Variants in MAML3 observed in about 807,000 individuals in gnomAD.
MAML3 encodes mastermind like transcriptional coactivator 3.
Under a neutral mutation model 101.9 loss-of-function variants are expected in MAML3, and 27 were observed. The observed-to-expected ratio is 0.27, with a 90% CI of 0.20 to 0.37. The LOEUF is 0.37. Ranked by LOEUF, MAML3 falls within the 10% of genes least tolerant of loss-of-function variation. The pLI is 1.00. For missense variants in MAML3, 1,316 were observed against 1,444.9 expected (o/e 0.91, Z 1.45); for synonymous variants, 501 against 555.9 (o/e 0.90, Z 1.39).
At chr4:140,091,954 T>C (rs1028493188) in intron 1 of MAML3, among the ~76,000 whole-genome samples, 6 of 151,730 alleles carry the variant, frequency 4.0e-5, no homozygotes, top group African/African-American at 1.5e-4. Flanking sequence ...TTCCTATCTA[T>C]TTATTTCCTA....
chr4:139,950,719 G>T (rs943519910), intron 1 of MAML3, among the ~76,000 whole-genome samples: 3 of 152,214 alleles, frequency 2.0e-5, no homozygotes, highest in African/African-American at 7.2e-5. Context: ...AATAGTTGTG[G>T]TTTGACAAGC....
At chr4:140,090,122 G>A (rs575927339) in intron 1 of MAML3, among the ~76,000 whole-genome samples, 2 of 152,236 alleles carry the variant, frequency 1.3e-5, no homozygotes, top group African/African-American at 2.4e-5. Flanking sequence ...ATTTACTGTC[G>A]CCATTTTAAG....
intron 2 of MAML3, among the ~76,000 whole-genome samples, chr4:139,842,642 C>T (rs1386437554): frequency 6.6e-6 from 1 of 151,726 alleles, no homozygotes; most frequent in Non-Finnish European, 1.5e-5. Flanking sequence ...CTCAGCCTCC[C>T]AAGTAGCTGG....
At chr4:140,015,981 A>G (rs559657023) in intron 1 of MAML3, among the ~76,000 whole-genome samples, 2 of 152,292 alleles carry the variant, frequency 1.3e-5, no homozygotes, top group Non-Finnish European at 1.5e-5. Context: ...AAAGGTATAC[A>G]GATGAAAAAG....
At chr4:139,763,466 T>C (rs534823651) in intron 2 of MAML3, among the ~76,000 whole-genome samples, 2 of 152,222 alleles carry the variant, frequency 1.3e-5, no homozygotes, top group African/African-American at 2.4e-5. Context: ...GTGAGTTCCC[T>C]GCACCAGGGC....
intron 2 of MAML3, among the ~76,000 whole-genome samples, chr4:139,786,016 AG>A (rs1256692651): frequency 6.6e-6 from 1 of 152,114 alleles, no homozygotes; most frequent in African/African-American, 2.4e-5. Context: ...ATTTGGAGAC[AG>A]GGCCTTTAAA....
At chr4:140,054,380 AAAAAG>A (rs1727318238) in intron 1 of MAML3, among the ~76,000 whole-genome samples, 2 of 151,806 alleles carry the variant, frequency 1.3e-5, no homozygotes, top group Admixed American at 6.6e-5. Context: ...AAAAAAAAAA[AAAAAG>A]AAAAGAAAAG....
intron 1 of MAML3, among the ~76,000 whole-genome samples, chr4:140,119,275 T>A (rs537475860): frequency 8.5e-5 from 13 of 152,190 alleles, no homozygotes; most frequent in Non-Finnish European, 1.6e-4. Context: ...TTTTAATAGG[T>A]GCGCTTGAAA....
chr4:139,920,916 T>C (rs757268010), intron 1 of MAML3, among the ~76,000 whole-genome samples: 7 of 152,178 alleles, frequency 4.6e-5, no homozygotes, highest in African/African-American at 9.7e-5. Context: ...ATCTGGAGAA[T>C]AGGCCCTTGC....
intron 1 of MAML3, among the ~76,000 whole-genome samples, chr4:139,963,050 C>G (rs774892204): frequency 6.6e-6 from 1 of 152,010 alleles, no homozygotes; most frequent in East Asian, 1.9e-4. Flanking sequence ...TTTTAACATC[C>G]CTGGAAGAAA....
intron 1 of MAML3, among the ~76,000 whole-genome samples, chr4:140,095,429 A>G (rs1338154826): frequency 6.6e-6 from 1 of 151,744 alleles, no homozygotes; most frequent in Admixed American, 6.6e-5. Context: ...TGGCAACAAC[A>G]CCCTGCGCTC....
At chr4:140,066,860 C>T (rs1322637370) in intron 1 of MAML3, among the ~76,000 whole-genome samples, 3 of 152,192 alleles carry the variant, frequency 2.0e-5, no homozygotes, top group African/African-American at 7.2e-5. Flanking sequence ...AACCTAATAT[C>T]TGCACATCTG....
chr4:140,147,502 G>T (rs911593649), intron 1 of MAML3, among the ~76,000 whole-genome samples: 1 of 152,168 alleles, frequency 6.6e-6, no homozygotes, highest in Non-Finnish European at 1.5e-5. Context: ...AGACCAAAAG[G>T]TTGGCAGCAG....
At chr4:139,868,254 C>G (rs968449554) in intron 2 of MAML3, among the ~76,000 whole-genome samples, 3 of 152,314 alleles carry the variant, frequency 2.0e-5, no homozygotes, top group African/African-American at 7.2e-5. Flanking sequence ...CCTGTTCAAT[C>G]TGCAAGGCAT....
intron 1 of MAML3, chr4:140,134,453 C>T (rs1336772074): frequency 2.2e-6 from 1 of 451,094 alleles, no homozygotes; most frequent in Admixed American, 2.4e-5. Flanking sequence ...TATCTACTTA[C>T]AGCAGATTTG....
intron 4 of MAML3, among the ~76,000 whole-genome samples, chr4:139,725,148 G>A (rs189080532): frequency 3.0e-4 from 45 of 152,244 alleles, no homozygotes; most frequent in Non-Finnish European, 5.4e-4. Context: ...CATACAGTGC[G>A]CCCACTGCTA....
Position 140,068,431 on chromosome 4 carries a change from G to A in MAML3, c.468+84429C>T, listed in dbSNP as rs1291408641. 2.0e-5 allele frequency among the ~76,000 whole-genome samples: 3 copies of A among 152,278 alleles called. No homozygotes were observed. The East Asian group carries it at 5.8e-4, about 29-fold the overall frequency. ...AAAGGAATTTTCAAAGACATGTAGTGGGTGTGAGTGCTTAAACAAGGGTCT... is the reference window on the plus strand; with the variant it reads ...AAAGGAATTTTCAAAGACATGTAGTAGGTGTGAGTGCTTAAACAAGGGTCT... On this transcript the variant is annotated intron_variant, in intron 1 of 4. Coordinates refer to ENST00000509479, the MANE Select transcript of MAML3 (RefSeq NM_018717.5).
chr4:140,065,323 G>C lies in MAML3; in HGVS notation c.468+87537C>G, dbSNP rs188424002. Among the ~76,000 whole-genome samples the C allele has an allele frequency of 3.6e-4, 55 of 151,576 alleles. No individual in the cohort carries two copies. In the East Asian group the frequency reaches 9.5e-3, roughly 26 times the overall value. On this transcript the variant is annotated intron_variant, in intron 1 of 4. Coordinates refer to ENST00000509479, the MANE Select transcript of MAML3 (RefSeq NM_018717.5). ...CCCCGAGAAAAATTTCATCAAGGTA[G>C]AAGCCGATCTCTCTAGTATTTATTT...
intron 1 of MAML3, among the ~76,000 whole-genome samples, chr4:140,110,276 C>T (rs1452525356): frequency 1.3e-5 from 2 of 152,232 alleles, no homozygotes; most frequent in Non-Finnish European, 2.9e-5. Flanking sequence ...GGGCAATGAG[C>T]CCCCTACGAC....
Sources: gnomAD v4.1 joint callset for allele counts (sites outside exome capture counted in the v4.1 genomes callset) on GRCh38, gnomAD v4.1.1 for gene constraint, MANE v1.5 for transcripts, NCBI Gene and HGNC (gene_info 2026-07-23, HGNC 2026-07-21) for gene names.